Variants in GPRC5C observed in about 807,000 individuals in gnomAD.
GPRC5C encodes G protein-coupled receptor family C group 5 member C.
GPRC5C carries 22 observed loss-of-function variants against 31.4 expected under a neutral mutation model. That is an observed-to-expected ratio of 0.70 (90% confidence interval 0.50 to 1.00). The LOEUF (loss-of-function observed/expected upper bound fraction) is 1.00, where lower values mean the gene tolerates loss of function less well. Ranked by LOEUF, GPRC5C falls within the 50% of genes least tolerant of loss-of-function variation. GPRC5C has a pLI of 0.00. For synonymous variants in GPRC5C, 249 were observed against 257.5 expected (o/e 0.97, Z 0.32); for missense variants, 557 against 597.2 (o/e 0.93, Z 0.70).
intron 1 of GPRC5C, chr17:74,432,634 C>A: frequency 1.9e-6 from 1 of 524,856 alleles, no homozygotes; most frequent in Non-Finnish European, 2.4e-6. Flanking sequence ...CTGGGGACGC[C>A]GCGCCAACTC....
Position 74,440,661 on chromosome 17 carries a change from C to T in GPRC5C, c.885C>T (p.Tyr295=), listed in dbSNP as rs1390903290. Residue 295 remains tyrosine (Y), a synonymous_variant, in exon 2 of 4, where the codon TAC becomes TAT. Transcript: ENST00000392627. This position sits in a 1 kb window ranked among gnomAD's most constrained non-coding sequence, Gnocchi z 4.4. ...AANAWAFVLF[Y]VIPEVSQVTK... Reference sequence around the variant, plus strand: ...ATGCCTGGGCCTTCGTCCTCTTCTACGTCATCCCCGAGGTCTCCCAGGTGA... The same window carrying T: ...ATGCCTGGGCCTTCGTCCTCTTCTATGTCATCCCCGAGGTCTCCCAGGTGA... The T allele has an allele frequency of 1.2e-6, 2 of 1,608,554 alleles. No homozygotes were observed. The highest frequency in any genetic ancestry group is 8.5e-7 in the Non-Finnish European group (1 of 1,175,512).
At chr17:74,450,328 CT>C (rs2055701409), downstream of GPRC5C, 1 of 152,336 alleles carries the variant, frequency 6.6e-6, no homozygotes, top group Non-Finnish European at 1.5e-5. Flanking sequence ...TCCAACATCT[CT>C]GGTCAGGGCC....
At chr17:74,439,669 T>A in intron 1 of GPRC5C, 76 bp from the exon 2 acceptor site, 2 of 1,383,208 alleles carry the variant, frequency 1.4e-6, no homozygotes. Flanking sequence ...TGGGTTTAGG[T>A]TGGGGGAAGC....
chr17:74,447,194 T>A lies in GPRC5C; in HGVS notation c.*166T>A. Reference sequence around the variant, plus strand: ...CCAGTGTTTGGGTGGGTGTCATGGGTGTCCCCACCCACTCCTCAGTGTTTG... The same window carrying A: ...CCAGTGTTTGGGTGGGTGTCATGGGAGTCCCCACCCACTCCTCAGTGTTTG... On this transcript the variant is annotated 3_prime_UTR_variant, in exon 4 of 4. Coordinates refer to ENST00000392627, the MANE Select transcript of GPRC5C (RefSeq NM_022036.4). The A allele has an allele frequency of 7.1e-7, 1 of 1,404,930 alleles. No homozygotes were observed. The highest frequency in any genetic ancestry group is 2.7e-5 in the East Asian group (1 of 37,496). 87.0% of individuals were successfully genotyped at this position (1,404,930 alleles called of 1,614,324 possible).
intron 2 of GPRC5C, among the ~76,000 whole-genome samples, chr17:74,442,798 CT>C (rs1476226909): frequency 6.6e-6 from 1 of 152,190 alleles, no homozygotes; most frequent in Non-Finnish European, 1.5e-5. Context: ...GGCCTCACCC[CT>C]GGGTGGCCCC....
At chr17:74,442,352 CA>C (rs2055554700) in intron 2 of GPRC5C, among the ~76,000 whole-genome samples, 1 of 152,208 alleles carries the variant, frequency 6.6e-6, no homozygotes, top group Non-Finnish European at 1.5e-5. Context: ...GTGGTCTCAG[CA>C]GCGCCCTTGT....
At chr17:74,444,142 G>A (rs79058593) in intron 3 of GPRC5C, among the ~76,000 whole-genome samples, 1,588 of 152,292 alleles carry the variant, frequency 0.01, 24 homozygotes, top group African/African-American at 0.036. Context: ...AGTGGGACCC[G>A]CCCTGTGTCA....
chr17:74,434,739 A>G (rs995279701), intron 1 of GPRC5C, among the ~76,000 whole-genome samples: 2 of 152,190 alleles, frequency 1.3e-5, no homozygotes, highest in Admixed American at 1.3e-4. Flanking sequence ...CCTGGCCAAC[A>G]TAGTGAAACC....
intron 1 of GPRC5C, among the ~76,000 whole-genome samples, chr17:74,433,279 TGCATTGGGGGGTGGGGC>T (rs1169427626): frequency 6.6e-5 from 10 of 150,434 alleles, no homozygotes; most frequent in Admixed American, 6.6e-4. Flanking sequence ...GGGGAGGGAG[TGCATTGGGGGGTGGGGC>T]GCATTCCAGA....
chr17:74,443,764 G>A (rs780019174), intron 2 of GPRC5C, 54 bp from the exon 3 acceptor site: 2 of 1,294,582 alleles, frequency 1.5e-6, no homozygotes, highest in Admixed American at 3.4e-5. Flanking sequence ...TGGGAGGTGG[G>A]GAAGGGAGCT....
intron 2 of GPRC5C, among the ~76,000 whole-genome samples, chr17:74,442,206 T>C (rs2055552480): frequency 1.3e-5 from 2 of 152,206 alleles, no homozygotes; most frequent in Non-Finnish European, 2.9e-5. Flanking sequence ...TTTCACTATG[T>C]TGGCCAGGCT....
chr17:74,434,369 G>A (rs2055401393), intron 1 of GPRC5C, among the ~76,000 whole-genome samples: 1 of 152,184 alleles, frequency 6.6e-6, no homozygotes, highest in Non-Finnish European at 1.5e-5. Context: ...CCATCCAGAG[G>A]TGACTTCCAA....
In GPRC5C at chr17:74,444,706, G is replaced by C. The variant is rs557901828; in HGVS notation, c.1146+794G>C. 2.3e-4 allele frequency among the ~76,000 whole-genome samples: 35 copies of C among 152,292 alleles called. No homozygotes were observed. The East Asian group carries it at 4.8e-3, about 21-fold the overall frequency. On this transcript the variant is annotated intron_variant, in intron 3 of 3. Coordinates refer to ENST00000392627, the MANE Select transcript of GPRC5C (RefSeq NM_022036.4). Reference sequence around the variant, plus strand: ...CCCCTCTCCCTGAGCCTGAACCTGAGCCTGGGCAGAGGAGAGCTTCCGGAG... The same window carrying C: ...CCCCTCTCCCTGAGCCTGAACCTGACCCTGGGCAGAGGAGAGCTTCCGGAG...
chr17:74,432,330 C>T (rs2055363647), intron 1 of GPRC5C, 189 bp downstream of exon 1: 3 of 1,431,394 alleles, frequency 2.1e-6, no homozygotes, highest in East Asian at 5.1e-5. Context: ...AGCGAGCAAC[C>T]CAGCGCGCCT....
rs558491050 is a variant in GPRC5C at position 74,446,471 on chromosome 17, C to A, written c.1147-378C>A. 2.4e-4 allele frequency: 40 copies of A among 166,802 alleles called. 1 individual carries two copies. The South Asian group carries it at 7.4e-3, about 31-fold the overall frequency. 10.3% of individuals were successfully genotyped at this position (166,802 alleles called of 1,614,324 possible). ...CGTCTCAAAAAAAAAAAAAAAGATT[C>A]TTGGAGGAAGGGGGCCTGGGAGCTA... On this transcript the variant is annotated intron_variant, in intron 3 of 3. Transcript: ENST00000392627.
At position 74,440,355 on chromosome 17, in the gene GPRC5C, C is replaced by T. The variant is rs143368410; in HGVS notation, c.579C>T (p.Ser193=). 1,126 of 1,614,146 alleles carry T rather than the reference C, an allele frequency of 7.0e-4. 2 individuals are homozygous for T. Among genetic ancestry groups the T allele is most frequent in the Non-Finnish European group, 4.9e-4 (577 of 1,180,026 alleles). The change falls in exon 2 of 4, where the codon AGC becomes AGT. Residue 193 remains serine (S), a synonymous_variant. Transcript: ENST00000392627. This position sits in a 1 kb window ranked among gnomAD's most constrained non-coding sequence, Gnocchi z 4.4. ...AGGGCGGCCCTCAGGGCAACAGCAGCGCAGGCTGGGCCGTGGCCTCCCCCT... is the reference window on the plus strand; with the variant it reads ...AGGGCGGCCCTCAGGGCAACAGCAGTGCAGGCTGGGCCGTGGCCTCCCCCT... ...SGEGGPQGNS[S]AGWAVASPCA...
At chr17:74,435,907 C>T (rs72852292) in intron 1 of GPRC5C, among the ~76,000 whole-genome samples, 2,423 of 152,342 alleles carry the variant, frequency 0.016, 35 homozygotes, top group Admixed American at 0.033. Context: ...CGCCATCCAA[C>T]CAGTCCTTCG....
At position 74,432,129 on chromosome 17, in the gene GPRC5C, G is replaced by C. The variant is rs1395615893; in HGVS notation, c.-45G>C. ...CTCACCAGCCGGAAAGTACGAGTCG[G>C]CTCAGCCTGGAGGTGAGTCGGGGCG... is the stretch of plus-strand genomic sequence containing the variant. On this transcript the variant is annotated 5_prime_UTR_variant, in exon 1 of 4. Coordinates refer to ENST00000392627, the MANE Select transcript of GPRC5C (RefSeq NM_022036.4). 6.2e-7 allele frequency: 1 copy of C among 1,612,886 alleles called. No individual in the cohort carries two copies. Among genetic ancestry groups the C allele is most frequent in the East Asian group, 2.2e-5 (1 of 44,828 alleles).
rs2055571250 is a variant in GPRC5C, at chr17:74,443,257, C to G, written c.1052-561C>G. On this transcript the variant is annotated intron_variant, in intron 2 of 3. Coordinates refer to ENST00000392627, the MANE Select transcript of GPRC5C (RefSeq NM_022036.4). ...AGCTAAAAATAGTTCTGGAAACTTGCCAGGGGGCCACAGGCTGGGACGTGC... is the reference window on the plus strand; with the variant it reads ...AGCTAAAAATAGTTCTGGAAACTTGGCAGGGGGCCACAGGCTGGGACGTGC... 3 of 221,542 alleles carry G rather than the reference C, an allele frequency of 1.4e-5. 1 individual carries two copies. The South Asian group carries it at 1.6e-4, about 11-fold the overall frequency. The allele number at this position is 221,542 out of a possible 1,614,324, so 13.7% of individuals were successfully genotyped here. A position where few individuals can be genotyped will look rare whatever the true frequency, so the allele number is the denominator to read the frequency against.
Sources: gnomAD v4.1 joint callset for allele counts (sites outside exome capture counted in the v4.1 genomes callset) on GRCh38, gnomAD v4.1.1 for gene constraint, Gnocchi (gnomAD v3.1) non-coding constraint, MANE v1.5 for transcripts, NCBI Gene and HGNC (gene_info 2026-07-23, HGNC 2026-07-21) for gene names.